CIZ1: variants seen among roughly 807,000 people sequenced by gnomAD.
CIZ1 encodes cip1-interacting zinc finger protein.
Under a neutral mutation model 118.6 loss-of-function variants are expected in CIZ1, and 58 were observed. The ratio of observed to expected loss-of-function variants is 0.49; its 90% CI spans 0.40 to 0.61. The LOEUF (loss-of-function observed/expected upper bound fraction) is 0.61, where lower values mean the gene tolerates loss of function less well. Ranked by LOEUF, CIZ1 falls within the 20% of genes least tolerant of loss-of-function variation. CIZ1 has a pLI of 0.00. For missense variants in CIZ1, 921 were observed against 1,115.9 expected, an observed-to-expected ratio of 0.83 and a Z score of 2.49; for synonymous variants, 448 against 443.4, an observed-to-expected ratio of 1.01 and a Z score of -0.13.
At chr9:128,175,456 G>A (rs1021530147) in intron 11 of CIZ1, among the ~76,000 whole-genome samples, 30 of 152,094 alleles carry the variant, frequency 2.0e-4, no homozygotes, top group African/African-American at 6.5e-4. Context: ...TGCCCTTGCA[G>A]AGCGAGAGCC....
Position 128,178,797 on chromosome 9 carries a change from C to T in CIZ1, c.1410G>A (p.Gln470=), listed in dbSNP as rs1277798931. The T allele has an allele frequency of 6.2e-7, 1 of 1,614,274 alleles. No homozygotes were observed. Among genetic ancestry groups the T allele is most frequent in the Non-Finnish European group, 8.5e-7 (1 of 1,180,056 alleles). ...QTHEQPHTQP[Q]VSLLAPEQTP... Reference sequence around the variant, plus strand: ...TTTGCTCTGGAGCCAGCAACGACACCTGCGGCTGGGTGTGAGGCTGCTCAT... The same window carrying T: ...TTTGCTCTGGAGCCAGCAACGACACTTGCGGCTGGGTGTGAGGCTGCTCAT... Residue 470 remains glutamine (Q), a synonymous_variant, in exon 8 of 17, where the codon CAG becomes CAA. Coordinates refer to ENST00000372938, the MANE Select transcript of CIZ1 (RefSeq NM_001131016.2).
At chr9:128,193,395 G>A (rs562518541), upstream of CIZ1, among the ~76,000 whole-genome samples, 10 of 152,246 alleles carry the variant, frequency 6.6e-5, no homozygotes, top group African/African-American at 1.9e-4. Context: ...AAGCAGTGAG[G>A]AGAGAGGGGC....
intron 4 of CIZ1, 115 bp from the exon 5 acceptor site, chr9:128,185,891 C>A (rs45555144): frequency 3.7e-4 from 285 of 767,156 alleles, no homozygotes; most frequent in African/African-American, 3.6e-3. Context: ...TTGAAAGGGA[C>A]CTTCCCACCC....
Position 128,191,205 on chromosome 9 carries a change from A to C in CIZ1, c.-6+227T>G. Reference sequence around the variant, plus strand: ...CTGCGCCCATCACTTCCTCACTCACAGCCCCTTTTCAATACCGCAACCCTC... The same window carrying C: ...CTGCGCCCATCACTTCCTCACTCACCGCCCCTTTTCAATACCGCAACCCTC... On this transcript the variant is annotated intron_variant, in intron 1 of 16. Coordinates refer to ENST00000372938, the MANE Select transcript of CIZ1 (RefSeq NM_001131016.2). The surrounding 1 kb of genome is among the most constrained non-coding windows in gnomAD (Gnocchi z 5.5). 2 of 365,614 alleles carry C rather than the reference A, an allele frequency of 5.5e-6. No individual in the cohort carries two copies. The highest frequency in any genetic ancestry group is 5.4e-5 in the South Asian group (1 of 18,382). The allele number at this position is 365,614 out of a possible 1,614,324, so 22.6% of individuals were successfully genotyped here.
chr9:128,200,354 G>A (rs7036650), intron 1 of CIZ1, among the ~76,000 whole-genome samples: 4,464 of 151,814 alleles, frequency 0.029, 242 homozygotes, highest in African/African-American at 0.1. Flanking sequence ...AATTAGGGGG[G>A]AAAAAGTAAA....
chr9:128,191,862 CG>C, upstream of CIZ1: 1 of 1,468,766 alleles, frequency 6.8e-7, no homozygotes, highest in Non-Finnish European at 9.0e-7. The surrounding 1 kb of genome is among the most constrained non-coding windows in gnomAD (Gnocchi z 5.5). Flanking sequence ...CACCTCCCTG[CG>C]GCCGCCGCGG....
Position 128,178,358 on chromosome 9 carries a change from C to T in CIZ1, c.1620+11G>A. 1 of 1,611,198 alleles carries T rather than the reference C, an allele frequency of 6.2e-7. No individual in the cohort carries two copies. Among genetic ancestry groups the T allele is most frequent in the Non-Finnish European group, 8.5e-7 (1 of 1,178,876 alleles). On this transcript the variant is annotated intron_variant, in intron 9 of 16. Coordinates refer to ENST00000372938, the MANE Select transcript of CIZ1 (RefSeq NM_001131016.2). ...TGGCCCTCACACTGCCACATCAGGG[C>T]CTCTACCCACCCCTGGCATCTCTCT... is the stretch of plus-strand genomic sequence containing the variant.
At chr9:128,183,685 C>T (rs748953022) in intron 5 of CIZ1, among the ~76,000 whole-genome samples, 12 of 152,376 alleles carry the variant, frequency 7.9e-5, no homozygotes, top group Admixed American at 4.6e-4. Context: ...GAACCTATAG[C>T]CGGCAACAGC....
chr9:128,197,627 G>C (rs1031607017), intron 1 of CIZ1: 1 of 152,236 alleles, frequency 6.6e-6, no homozygotes, highest in Non-Finnish European at 1.5e-5. Flanking sequence ...TCCTGACTTA[G>C]GGCTCTAGTT....
chr9:128,169,294 C>T, intron 13 of CIZ1, 93 bp from the exon 14 acceptor site: 1 of 835,356 alleles, frequency 1.2e-6, no homozygotes, highest in Non-Finnish European at 1.9e-6. Context: ...GAGTCCCAAT[C>T]CCTCCAGACC....
At chr9:128,168,971 G>A in intron 14 of CIZ1, 81 bp downstream of exon 14, 1 of 1,589,212 alleles carries the variant, frequency 6.3e-7, no homozygotes, top group Non-Finnish European at 8.6e-7. Flanking sequence ...CCCAGTGTCT[G>A]GCCTCCGGGA....
rs537536982 is a variant in CIZ1 at position 128,191,230 on chromosome 9, C to G, written c.-6+202G>C. ...AGCCCCTTTTCAATACCGCAACCCT[C>G]TCTGGGCCCCCGGGTGTCAATAACA... is the stretch of plus-strand genomic sequence containing the variant. On this transcript the variant is annotated intron_variant, in intron 1 of 16. Coordinates refer to ENST00000372938, the MANE Select transcript of CIZ1 (RefSeq NM_001131016.2). This position sits in a 1 kb window ranked among gnomAD's most constrained non-coding sequence, Gnocchi z 5.5. 1 of 298,344 alleles carries G rather than the reference C, an allele frequency of 3.4e-6. No homozygotes were observed. The highest frequency in any genetic ancestry group is 2.2e-5 in the African/African-American group (1 of 45,348). 18.5% of individuals were successfully genotyped at this position (298,344 alleles called of 1,614,324 possible). A position where few individuals can be genotyped will look rare whatever the true frequency, so the allele number is the denominator to read the frequency against.
Position 128,185,620 on chromosome 9 carries a change from G to A in CIZ1, c.515C>T (p.Ser172Phe). Residue 172 changes from serine to phenylalanine, a missense_variant, in exon 5 of 17, where the codon TCC becomes TTC. Physicochemically the swap from Ser to Phe is radical, Grantham distance 155 (BLOSUM62 -2). Coordinates refer to ENST00000372938, the MANE Select transcript of CIZ1 (RefSeq NM_001131016.2). ...GTTCCGTCCTGAAAGGTTGAACTGG[G>A]AAGGGTTCATGGGGACCCCAACAGG... ...PPPVGVPMNP[S>F]QFNLSGRNPQ... 4 of 1,553,990 alleles carry A rather than the reference G, an allele frequency of 2.6e-6. No individual in the cohort carries two copies. The highest frequency in any genetic ancestry group is 2.7e-5 in the African/African-American group (2 of 73,236).
chr9:128,185,033 C>T (rs145363649), intron 5 of CIZ1, among the ~76,000 whole-genome samples: 1,655 of 152,214 alleles, frequency 0.011, 33 homozygotes, highest in African/African-American at 0.038. Flanking sequence ...AATCCCAGCA[C>T]TTTGGGAGGC....
intron 10 of CIZ1, 34 bp downstream of exon 10, chr9:128,177,532 C>A: frequency 1.8e-6 from 2 of 1,128,452 alleles, no homozygotes; most frequent in Non-Finnish European, 2.4e-6. Flanking sequence ...ACGCAGGCCC[C>A]ACCCCTCCCC....
At chr9:128,173,823 A>T (rs1051853954) in intron 11 of CIZ1, among the ~76,000 whole-genome samples, 1 of 151,874 alleles carries the variant, frequency 6.6e-6, no homozygotes, top group Non-Finnish European at 1.5e-5. Flanking sequence ...TGGCTAACAC[A>T]GAGAAACCCT....
At chr9:128,200,990 C>T (rs963658529) in intron 1 of CIZ1, among the ~76,000 whole-genome samples, 35 of 151,452 alleles carry the variant, frequency 2.3e-4, no homozygotes, top group African/African-American at 6.3e-4. Flanking sequence ...AAAAATTGGC[C>T]GGGCGCAGTG....
chr9:128,178,080 C>A (rs559827449), intron 9 of CIZ1, among the ~76,000 whole-genome samples: 1 of 152,240 alleles, frequency 6.6e-6, no homozygotes, highest in South Asian at 2.1e-4. Flanking sequence ...CCACTCTGTG[C>A]TCTCTCCACG....
Position 128,185,595 on chromosome 9 carries a change from G to T in CIZ1, c.540C>A (p.Asn180Lys). 2.0e-6 allele frequency: 3 copies of T among 1,534,118 alleles called. No homozygotes were observed. The highest frequency in any genetic ancestry group is 2.6e-6 in the Non-Finnish European group (3 of 1,140,302). ...AGGAGGTCCGGGCCTGTTTCTGGGG[G>T]TTCCGTCCTGAAAGGTTGAACTGGG... ...NPSQFNLSGR[N>K]PQKQARTSSS... The change falls in exon 5 of 17, where the codon AAC becomes AAA. Residue 180 changes from asparagine to lysine, a missense_variant. Physicochemically the swap from Asn to Lys is moderately conservative, Grantham distance 94. Transcript: ENST00000372938.
Sources: allele counts gnomAD v4.1 joint callset (sites outside exome capture counted in the v4.1 genomes callset), GRCh38; gene constraint gnomAD v4.1.1; non-coding constraint Gnocchi (gnomAD v3.1); transcripts MANE v1.5; gene names NCBI Gene and HGNC (gene_info 2026-07-23, HGNC 2026-07-21).